Variants in SLC5A12 observed in about 807,000 individuals in gnomAD.
SLC5A12 encodes the protein sodium-coupled monocarboxylate transporter 2.
A neutral mutation model predicts 72.7 loss-of-function variants in SLC5A12; 46 were observed. That is an observed-to-expected ratio of 0.63 (90% CI 0.50 to 0.81). The LOEUF (loss-of-function observed/expected upper bound fraction) is 0.81. Among genes scored for constraint, SLC5A12 ranks in the 30% least tolerant of loss-of-function variants. The pLI, the probability that SLC5A12 is intolerant of heterozygous loss-of-function variation, is 0.00. For missense variants in SLC5A12, 683 were observed against 740.7 expected (o/e 0.92, Z 0.90); for synonymous variants, 275 against 264.4 (o/e 1.04, Z -0.39).
chr11:26,698,096 C>T (rs575688531), intron 7 of SLC5A12, among the ~76,000 whole-genome samples: 193 of 151,984 alleles, frequency 1.3e-3, no homozygotes, highest in East Asian at 7.8e-4. Context: ...CGATATTTTG[C>T]CGTGTTGGCC....
intron 6 of SLC5A12, 127 bp downstream of exon 6, chr11:26,703,404 T>G (rs967392219): frequency 2.0e-6 from 2 of 983,600 alleles, no homozygotes; most frequent in Non-Finnish European, 2.9e-6. Flanking sequence ...TCTCTCTGCC[T>G]CTCTCTTACA....
At chr11:26,673,205 AC>A (rs1325738308) in intron 14 of SLC5A12, among the ~76,000 whole-genome samples, 196 bp downstream of exon 14, 1 of 152,212 alleles carries the variant, frequency 6.6e-6, no homozygotes, top group Non-Finnish European at 1.5e-5. Context: ...GCTACAAGGC[AC>A]TTTTACCTAT....
At chr11:26,707,226 T>C (rs1218015557) in intron 4 of SLC5A12, among the ~76,000 whole-genome samples, 3 of 152,046 alleles carry the variant, frequency 2.0e-5, no homozygotes, top group African/African-American at 7.2e-5. Flanking sequence ...CTCCTTCCTC[T>C]GGCTCTTTTT....
chr11:26,692,597 C>T lies in SLC5A12; in HGVS notation c.1045G>A (p.Val349Met), dbSNP rs147808899. The T allele has an allele frequency of 8.7e-5, 141 of 1,611,858 alleles. No individual in the cohort carries two copies. In the African/African-American group the frequency reaches 1.6e-3, roughly 18 times the overall value. Reference sequence around the variant, plus strand: ...GCCAAGGCATTGATGCTGGAAGCCACGGTGCTATAAGGAAAGAAAAGTGAG... The same window carrying T: ...GCCAAGGCATTGATGCTGGAAGCCATGGTGCTATAAGGAAAGAAAAGTGAG... Reference protein sequence around the residue: ...ACAFSGTLSTVASSINALATV... With the variant: ...ACAFSGTLSTMASSINALATV... Residue 349 changes from valine to methionine, a missense_variant, in exon 9 of 15, where the codon GTG becomes ATG. Val to Met is a conservative substitution (Grantham distance 21). Coordinates refer to ENST00000396005, the MANE Select transcript of SLC5A12 (RefSeq NM_178498.4).
chr11:26,709,024 A>T, intron 4 of SLC5A12: 1 of 272,146 alleles, frequency 3.7e-6, no homozygotes, highest in Non-Finnish European at 6.9e-6. Context: ...CAGAAGTAGC[A>T]TAGGGCCACC....
At chr11:26,693,640 G>GA (rs1445271259) in intron 8 of SLC5A12, among the ~76,000 whole-genome samples, 1 of 152,026 alleles carries the variant, frequency 6.6e-6, no homozygotes, top group Non-Finnish European at 1.5e-5. Flanking sequence ...ACAACTATGA[G>GA]AAAAAAATTC....
chr11:26,682,973 C>T (rs1429322642), intron 11 of SLC5A12, among the ~76,000 whole-genome samples: 2 of 152,002 alleles, frequency 1.3e-5, no homozygotes, highest in Non-Finnish European at 2.9e-5. Flanking sequence ...CCACAGAGAC[C>T]TAATCAAGTA....
At chr11:26,677,962 C>A (rs1854302592) in intron 13 of SLC5A12, among the ~76,000 whole-genome samples, 1 of 152,162 alleles carries the variant, frequency 6.6e-6, no homozygotes, top group South Asian at 2.1e-4. Flanking sequence ...CACACTCTCA[C>A]CACTACCAAC....
intron 10 of SLC5A12, among the ~76,000 whole-genome samples, chr11:26,684,149 G>A (rs1012126870): frequency 1.3e-5 from 2 of 151,916 alleles, no homozygotes; most frequent in Admixed American, 1.3e-4. Context: ...AAAAATATAA[G>A]GTCATAGAAC....
At chr11:26,720,321 T>C (rs566899134) in intron 1 of SLC5A12, among the ~76,000 whole-genome samples, 7 of 47,536 alleles carry the variant, frequency 1.5e-4, no homozygotes, top group Admixed American at 1.4e-3. Context: ...AAAAGCCCCA[T>C]CTCATAAATA....
chr11:26,721,552 A>T lies in SLC5A12; in HGVS notation c.163T>A (p.Leu55Met), dbSNP rs750908154. ...GACATGAAGCTGGCTGTCAGAGACA[A>T]GCCGACAGGGCCAAAGCTCATTTGC... ...GRQMSFGPVG[L>M]SLTASFMSAV... is the part of the protein sequence containing the mutation. The change falls in exon 1 of 15, where the codon TTG becomes ATG. Residue 55 changes from leucine to methionine, a missense_variant. By Grantham distance (15) the Leu-to-Met change is conservative. Transcript: ENST00000396005. The T allele has an allele frequency of 1.1e-5, 18 of 1,614,066 alleles. No homozygotes were observed. Among genetic ancestry groups the T allele is most frequent in the Non-Finnish European group, 8.5e-7 (1 of 1,180,042 alleles).
chr11:26,712,030 C>T (rs551829145), intron 2 of SLC5A12, among the ~76,000 whole-genome samples: 2 of 151,692 alleles, frequency 1.3e-5, no homozygotes, highest in Admixed American at 1.3e-4. Flanking sequence ...CTAAATTCTT[C>T]AGTCAGTGTG....
In SLC5A12 at chr11:26,712,773, T is replaced by C; in HGVS notation, c.340-67A>G. Reference sequence around the variant, plus strand: ...ATAAGAACTGCTAAGAAAGTCCTTTTTATCTTGGTATATCCTCTGTTGTGC... The same window carrying C: ...ATAAGAACTGCTAAGAAAGTCCTTTCTATCTTGGTATATCCTCTGTTGTGC... On this transcript the variant is annotated intron_variant, in intron 1 of 14. Transcript: ENST00000396005. 6 of 1,189,706 alleles carry C rather than the reference T, an allele frequency of 5.0e-6. No homozygotes were observed. In the South Asian group the frequency reaches 7.1e-5, roughly 14 times the overall value. The allele number at this position is 1,189,706 out of a possible 1,614,324, so 73.7% of individuals were successfully genotyped here.
At chr11:26,685,317 T>C (rs928175526) in intron 10 of SLC5A12, among the ~76,000 whole-genome samples, 4 of 152,166 alleles carry the variant, frequency 2.6e-5, no homozygotes, top group African/African-American at 9.7e-5. Flanking sequence ...TAAGAAACTC[T>C]AAATAATGTT....
At position 26,721,987 on chromosome 11, in the gene SLC5A12, T is replaced by C. The variant is rs942734101; in HGVS notation, c.-273A>G. ...CTGACCCTAGCTAAGAGCTGTCTGC[T>C]CCTCTCCTAAAGCATATGCCACAGA... is the stretch of plus-strand genomic sequence containing the variant. On this transcript the variant is annotated 5_prime_UTR_variant, in exon 1 of 15. Coordinates refer to ENST00000396005, the MANE Select transcript of SLC5A12 (RefSeq NM_178498.4). The C allele has an allele frequency of 7.8e-5, 35 of 451,508 alleles. No individual in the cohort carries two copies. Among genetic ancestry groups the C allele is most frequent in the Admixed American group, 7.8e-5 (2 of 25,648 alleles). The allele number at this position is 451,508 out of a possible 1,614,324, so 28.0% of individuals were successfully genotyped here.
chr11:26,684,685 C>T (rs942173050), intron 10 of SLC5A12, among the ~76,000 whole-genome samples: 2 of 152,126 alleles, frequency 1.3e-5, no homozygotes, highest in Non-Finnish European at 2.9e-5. Context: ...CTCCTCACTA[C>T]AAGAATTGTT....
chr11:26,681,223 T>C lies in SLC5A12; in HGVS notation c.1309-2A>G. The C allele has an allele frequency of 6.4e-7, 1 of 1,568,350 alleles. No homozygotes were observed. On this transcript the variant is annotated splice_acceptor_variant, in intron 11 of 14. Transcript: ENST00000396005. LOFTEE classifies it high-confidence loss of function. ...AGTAAGAAGACCTCCTAGTGCACCC[T>C]GGATGAAGAAGAAAAAGGTTAATGG... is the stretch of plus-strand genomic sequence containing the variant.
intron 1 of SLC5A12, among the ~76,000 whole-genome samples, chr11:26,721,026 G>A (rs1343980778): frequency 6.6e-6 from 1 of 152,090 alleles, no homozygotes; most frequent in South Asian, 2.1e-4. Flanking sequence ...GTACTCATGA[G>A]AAATGTTCTG....
intron 7 of SLC5A12, among the ~76,000 whole-genome samples, chr11:26,697,555 C>T (rs1854852180): frequency 6.6e-6 from 1 of 152,156 alleles, no homozygotes; most frequent in Non-Finnish European, 1.5e-5. Flanking sequence ...AGGAGCCCCT[C>T]TTTGACAGAG....
Sources: allele counts gnomAD v4.1 joint callset (sites outside exome capture counted in the v4.1 genomes callset), GRCh38; gene constraint gnomAD v4.1.1; transcripts MANE v1.5; gene names NCBI Gene and HGNC (gene_info 2026-07-23, HGNC 2026-07-21).